Variants in NAA25 observed in about 807,000 individuals in gnomAD.
The protein encoded by NAA25 is N-alpha-acetyltransferase 25, NatB auxiliary subunit.
A neutral mutation model predicts 132.5 loss-of-function variants in NAA25; 30 were observed. The observed-to-expected ratio is 0.23, with a 90% confidence interval of 0.17 to 0.31. The LOEUF (loss-of-function observed/expected upper bound fraction) is 0.31. Among genes scored for constraint, NAA25 ranks in the 10% least tolerant of loss-of-function variants. NAA25 has a pLI of 1.00. For synonymous variants in NAA25, 359 were observed against 401.9 expected (o/e 0.89, Z 1.28); for missense variants, 771 against 1,150.4 (o/e 0.67, Z 4.77).
At chr12:112,033,119 T>C in intron 23 of NAA25, 114 bp downstream of exon 23, 1 of 1,271,116 alleles carries the variant, frequency 7.9e-7, no homozygotes, top group South Asian at 1.9e-5. Context: ...ACAAGTCTTA[T>C]AAAGAGGAAA....
chr12:112,078,168 A>C lies in NAA25; in HGVS notation c.664+20T>G. ...TAAATAGGAAAAAAAAAAAGCTTTAAGAAAATGTTTAAAAATTACCTCCTA... is the reference window on the plus strand; with the variant it reads ...TAAATAGGAAAAAAAAAAAGCTTTACGAAAATGTTTAAAAATTACCTCCTA... On this transcript the variant is annotated intron_variant, in intron 7 of 23. Coordinates refer to ENST00000261745, the MANE Select transcript of NAA25 (RefSeq NM_024953.4). The C allele has an allele frequency of 6.5e-7, 1 of 1,535,546 alleles. No individual in the cohort carries two copies. Among genetic ancestry groups the C allele is most frequent in the Non-Finnish European group, 8.8e-7 (1 of 1,131,252 alleles).
At chr12:112,092,496 G>A (rs1448723093) in intron 2 of NAA25, among the ~76,000 whole-genome samples, 3 of 151,744 alleles carry the variant, frequency 2.0e-5, no homozygotes, top group African/African-American at 7.3e-5. Context: ...GTGTGGTGGC[G>A]CATGCCTGTA....
At chr12:112,108,267 C>T (rs964656470) in intron 1 of NAA25, among the ~76,000 whole-genome samples, 1 of 152,176 alleles carries the variant, frequency 6.6e-6, no homozygotes, top group Non-Finnish European at 1.5e-5. Context: ...CGAAGCCCAC[C>T]TAGTCAGACA....
chr12:112,054,434 G>C lies in NAA25; in HGVS notation c.1582C>G (p.Leu528Val), dbSNP rs2078514472. ...TGCTTAGCATCGAGGCTGGAGTAAAGATCCACCACTGGTTCAAATGCACCC... is the reference window on the plus strand; with the variant it reads ...TGCTTAGCATCGAGGCTGGAGTAAACATCCACCACTGGTTCAAATGCACCC... ...MLGAFEPVVD[L>V]YSSLDAKHIQ... Residue 528 changes from leucine (L) to valine (V), a missense_variant, in exon 14 of 24, where the codon CTT (leucine) becomes GTT (valine). Physicochemically the swap from Leu to Val is conservative, Grantham distance 32 (BLOSUM62 1). Coordinates refer to ENST00000261745, the MANE Select transcript of NAA25 (RefSeq NM_024953.4). 1 of 1,614,016 alleles carries C rather than the reference G, an allele frequency of 6.2e-7. No individual in the cohort carries two copies. Among genetic ancestry groups the C allele is most frequent in the Non-Finnish European group, 8.5e-7 (1 of 1,180,028 alleles).
intron 17 of NAA25, among the ~76,000 whole-genome samples, chr12:112,044,171 T>G (rs1196055379): frequency 6.6e-6 from 1 of 150,682 alleles, no homozygotes; most frequent in Non-Finnish European, 1.5e-5. Flanking sequence ...GACCTCGTGA[T>G]CTGCCTGCCT....
intron 1 of NAA25, among the ~76,000 whole-genome samples, chr12:112,095,709 G>C (rs375018320): frequency 2.6e-5 from 4 of 151,140 alleles, no homozygotes; most frequent in African/African-American, 9.7e-5. Context: ...TATTCATATT[G>C]CTAAGGGAAA....
At chr12:112,079,699 T>A (rs2078942618) in intron 5 of NAA25, among the ~76,000 whole-genome samples, 1 of 152,032 alleles carries the variant, frequency 6.6e-6, no homozygotes, top group African/African-American at 2.4e-5. Flanking sequence ...TTTAAATCCT[T>A]CCTCCCCATC....
At position 112,086,067 on chromosome 12, in the gene NAA25, T is replaced by C. The variant is rs1428713054; in HGVS notation, c.402+1616A>G. On this transcript the variant is annotated intron_variant, in intron 4 of 23. Transcript: ENST00000261745. The stretch of plus-strand genomic sequence containing the variant: ...AAAAAAAAAAATATATATATATATA[T>C]ATATATACACACACACACACACACA... Among the ~76,000 whole-genome samples the C allele has an allele frequency of 2.0e-4, 13 of 64,182 alleles. 1 individual carries two copies. In the South Asian group the frequency reaches 2.3e-3, roughly 11 times the overall value. The allele number at this position is 64,182 out of a possible 152,430, so 42.1% of individuals were successfully genotyped here.
chr12:112,059,914 T>C (rs1028082029), intron 13 of NAA25, among the ~76,000 whole-genome samples: 10 of 151,998 alleles, frequency 6.6e-5, no homozygotes, highest in Admixed American at 5.3e-4. Flanking sequence ...CTCAAGCAAT[T>C]CTCCTGCCTC....
chr12:112,062,850 C>T (rs989049118), intron 11 of NAA25, among the ~76,000 whole-genome samples: 5 of 151,944 alleles, frequency 3.3e-5, no homozygotes, highest in Non-Finnish European at 5.9e-5. Context: ...CAAGATCAGC[C>T]TCGGCACATA....
chr12:112,108,082 G>A (rs997994514), intron 1 of NAA25, among the ~76,000 whole-genome samples: 1 of 151,896 alleles, frequency 6.6e-6, no homozygotes, highest in Non-Finnish European at 1.5e-5. Flanking sequence ...TCTCTTCACC[G>A]CTATTTTAGG....
chr12:112,089,705 TGAG>T (rs1302858606), intron 3 of NAA25, among the ~76,000 whole-genome samples: 1 of 151,900 alleles, frequency 6.6e-6, no homozygotes, highest in Non-Finnish European at 1.5e-5. Context: ...TAAGATTGAT[TGAG>T]GAGGCCAGGT....
At chr12:112,096,698 G>C (rs2079217473) in intron 1 of NAA25, among the ~76,000 whole-genome samples, 1 of 152,144 alleles carries the variant, frequency 6.6e-6, no homozygotes, top group African/African-American at 2.4e-5. Flanking sequence ...TAGCTGAACT[G>C]ACAGGCCATC....
At chr12:112,104,439 G>C (rs2079334536) in intron 1 of NAA25, among the ~76,000 whole-genome samples, 1 of 152,062 alleles carries the variant, frequency 6.6e-6, no homozygotes, top group Admixed American at 6.5e-5. Flanking sequence ...ATAAATAAAA[G>C]TATGGGGTAG....
In NAA25 at chr12:112,072,030, T is replaced by C. The variant is rs2078817702; in HGVS notation, c.901A>G (p.Lys301Glu). ...CGATCTTCTATAAACTTCACAGCTT[T>C]TTCTGCAGAATAATGTACTTCTCCT... is the stretch of plus-strand genomic sequence containing the variant. ...LEGEVHYSAEKAVKFIEDRIT... is the reference protein window; with the variant it reads ...LEGEVHYSAEEAVKFIEDRIT... Residue 301 changes from lysine to glutamate, a missense_variant, in exon 10 of 24, where the codon AAA becomes GAA. Around this residue, in one of 3 missense-constraint regions of NAA25, gnomAD observed 417 missense variants for 733.8 expected, o/e 0.57. Transcript: ENST00000261745. The C allele has an allele frequency of 1.9e-6, 3 of 1,613,810 alleles. No homozygotes were observed. The highest frequency in any genetic ancestry group is 3.3e-4 in the Middle Eastern group (2 of 6,084).
rs116147888 is a variant in NAA25 at position 112,091,295 on chromosome 12, A to T, written c.145-431T>A. ...GGACTGGCATGGTGCACTCATGCGT[A>T]TAACACTTTGGGAGACTAAGGCAGG... On this transcript the variant is annotated intron_variant, in intron 2 of 23. Transcript: ENST00000261745. Among the ~76,000 whole-genome samples the T allele has an allele frequency of 3.7e-3, 557 of 151,780 alleles. 2 individuals are homozygous for T. The highest frequency in any genetic ancestry group is 0.013 in the African/African-American group (531 of 41,376).
chr12:112,042,222 C>A, intron 19 of NAA25, 118 bp from the exon 20 acceptor site: 1 of 389,156 alleles, frequency 2.6e-6, no homozygotes, highest in Non-Finnish European at 4.5e-6. Context: ...CTCTACAGAC[C>A]CTTATGCATT....
intron 1 of NAA25, among the ~76,000 whole-genome samples, chr12:112,098,138 A>AC (rs1431185654): frequency 6.6e-6 from 1 of 150,734 alleles, no homozygotes; most frequent in Non-Finnish European, 1.5e-5. Context: ...AAAAAAAAAA[A>AC]AAACCAAGCA....
intron 11 of NAA25, among the ~76,000 whole-genome samples, chr12:112,064,881 A>G (rs2078692278): frequency 1.3e-5 from 2 of 151,898 alleles, no homozygotes; most frequent in African/African-American, 2.4e-5. Context: ...CTAAAAATAC[A>G]GAATTAGCTG....
Sources: allele counts gnomAD v4.1 joint callset (sites outside exome capture counted in the v4.1 genomes callset), GRCh38; gene constraint gnomAD v4.1.1; regional missense constraint gnomAD v4.1.1; transcripts MANE v1.5; gene names NCBI Gene and HGNC (gene_info 2026-07-23, HGNC 2026-07-21).